The following SMAD4 variants were observed in gnomAD, a reference collection of about 807,000 sequenced individuals.
SMAD4 encodes the protein MAD homolog 4.
In SMAD4, 7 loss-of-function variants were observed where a neutral mutation model predicts 63.2. The observed-to-expected ratio is 0.11, with a 90% confidence interval of 0.06 to 0.21. The LOEUF (loss-of-function observed/expected upper bound fraction) is 0.21. Among genes scored for constraint, SMAD4 ranks in the 10% least tolerant of loss-of-function variants. The probability of loss-of-function intolerance (pLI) is 1.00; values close to 1 mark genes in which losing one functional copy is unlikely to be tolerated. For missense variants in SMAD4, 312 were observed against 693.8 expected (o/e 0.45, Z 6.18); for synonymous variants, 215 against 235.4 (o/e 0.91, Z 0.79).
chr18:51,080,012 G>A lies in SMAD4; in HGVS notation c.*1545G>A, dbSNP rs969842987. ...ATTTTACTATAGCAGAAATAGACCT[G>A]ATTATCTACAAGATGATAAATAGAT... On this transcript the variant is annotated 3_prime_UTR_variant, in exon 12 of 12. Transcript: ENST00000342988. The A allele has an allele frequency of 4.4e-6, 1 of 227,832 alleles. No homozygotes were observed. The highest frequency in any genetic ancestry group is 8.7e-6 in the Non-Finnish European group (1 of 115,184). 14.1% of individuals were successfully genotyped at this position (227,832 alleles called of 1,614,324 possible).
chr18:51,050,611 ATAG>A (rs1909681125), intron 4 of SMAD4, among the ~76,000 whole-genome samples: 1 of 151,308 alleles, frequency 6.6e-6, no homozygotes, highest in Admixed American at 6.6e-5. Context: ...GTGAGCCGAG[ATAG>A]TGGCACTGCA....
Position 51,078,195 on chromosome 18 carries a change from G to A in SMAD4, c.1448-61G>A, listed in dbSNP as rs565237633. 5 of 1,321,992 alleles carry A rather than the reference G, an allele frequency of 3.8e-6. No homozygotes were observed. In the African/African-American group the frequency reaches 4.3e-5, roughly 11 times the overall value. 81.9% of individuals were successfully genotyped at this position (1,321,992 alleles called of 1,614,324 possible). On this transcript the variant is annotated intron_variant, in intron 11 of 11. Transcript: ENST00000342988. ...GCTGGTCACTTGATTAATTTAGAATGTAGGGAGGATGGGAAGAGATCACCC... is the reference window on the plus strand; with the variant it reads ...GCTGGTCACTTGATTAATTTAGAATATAGGGAGGATGGGAAGAGATCACCC...
intron 1 of SMAD4, among the ~76,000 whole-genome samples, chr18:51,035,605 C>T (rs1909179472): frequency 6.6e-6 from 1 of 152,158 alleles, no homozygotes; most frequent in Non-Finnish European, 1.5e-5. Flanking sequence ...TTTCAAGCCC[C>T]CAATTAACTA....
At chr18:51,036,885 C>G (rs940130951) in intron 1 of SMAD4, among the ~76,000 whole-genome samples, 2 of 152,160 alleles carry the variant, frequency 1.3e-5, no homozygotes, top group East Asian at 3.9e-4. Context: ...AGGCCGGGTG[C>G]GGTGACTCAC....
rs4940037 is a variant in SMAD4, at chr18:51,080,333, A to C, written c.*1866A>C. 7 of 231,936 alleles carry C rather than the reference A, an allele frequency of 3.0e-5. No individual in the cohort carries two copies. The highest frequency in any genetic ancestry group is 1.3e-4 in the African/African-American group (6 of 45,304). The allele number at this position is 231,936 out of a possible 1,614,324, so 14.4% of individuals were successfully genotyped here. On this transcript the variant is annotated 3_prime_UTR_variant, in exon 12 of 12. Transcript: ENST00000342988. The stretch of plus-strand genomic sequence containing the variant: ...TCATTTGTACTCTTGATTACTTACA[A>C]ATTCTTTCAGTAAACACCTAATTTT...
At chr18:51,072,707 C>T (rs185518984) in intron 10 of SMAD4, among the ~76,000 whole-genome samples, 39 of 152,216 alleles carry the variant, frequency 2.6e-4, no homozygotes, top group Admixed American at 6.5e-4. Flanking sequence ...TGTTAAGTAA[C>T]GGTTTTGTAA....
Position 51,059,296 on chromosome 18 carries a change from A to G in SMAD4, c.905-570A>G, listed in dbSNP as rs567848211. ...GAAGGGTGCTGGGTTTGGACCTTTA[A>G]CAGGCTGTGTGACCATTGACAAGTT... is the stretch of plus-strand genomic sequence containing the variant. On this transcript the variant is annotated intron_variant, in intron 7 of 11. Transcript: ENST00000342988. Among the ~76,000 whole-genome samples, 123 of 152,320 alleles carry G rather than the reference A, an allele frequency of 8.1e-4. No individual in the cohort carries two copies. In the South Asian group the frequency reaches 0.013, roughly 16 times the overall value.
intron 10 of SMAD4, among the ~76,000 whole-genome samples, chr18:51,076,306 A>C (rs1384277234): frequency 6.6e-6 from 1 of 152,156 alleles, no homozygotes; most frequent in Non-Finnish European, 1.5e-5. Context: ...TTTGATTATG[A>C]AAGGGGGAGG....
At chr18:51,052,733 C>CT in intron 4 of SMAD4, 1 of 204,034 alleles carries the variant, frequency 4.9e-6, no homozygotes, top group South Asian at 6.7e-5. Context: ...CAGGTAATCA[C>CT]TTTTTTTAGT....
At chr18:51,035,566 G>T (rs1396544969) in intron 1 of SMAD4, among the ~76,000 whole-genome samples, 3 of 152,084 alleles carry the variant, frequency 2.0e-5, no homozygotes, top group Non-Finnish European at 4.4e-5. Context: ...GTCTTCTTAG[G>T]GCGTTAATCT....
intron 8 of SMAD4, among the ~76,000 whole-genome samples, chr18:51,061,053 A>C (rs1202385678): frequency 2.6e-5 from 4 of 152,016 alleles, no homozygotes; most frequent in Non-Finnish European, 5.9e-5. Flanking sequence ...AAATTAAAAA[A>C]ATATATTTTT....
chr18:51,056,333 C>G (rs754540795), intron 5 of SMAD4, among the ~76,000 whole-genome samples: 4 of 152,120 alleles, frequency 2.6e-5, no homozygotes, highest in African/African-American at 9.6e-5. Context: ...TGTGTTGTTT[C>G]CTGAGGTTGA....
intron 7 of SMAD4, 27 bp downstream of exon 7, chr18:51,058,483 C>CAA: frequency 1.6e-6 from 2 of 1,258,502 alleles, no homozygotes; most frequent in Non-Finnish European, 2.2e-6. Context: ...GTTGTAAGGG[C>CAA]TATTTTTTTT....
chr18:51,043,433 G>C (rs1410291216), intron 1 of SMAD4, among the ~76,000 whole-genome samples: 1 of 152,112 alleles, frequency 6.6e-6, no homozygotes, highest in Non-Finnish European at 1.5e-5. Context: ...TCAGTCATGC[G>C]GCTAGACCTT....
At chr18:51,034,025 T>A (rs1226994806) in intron 1 of SMAD4, among the ~76,000 whole-genome samples, 2 of 152,208 alleles carry the variant, frequency 1.3e-5, no homozygotes, top group African/African-American at 2.4e-5. Context: ...AACATTTTAA[T>A]CAGTTTAAAA....
rs1037395977 is a variant in SMAD4, at chr18:51,081,600, C to G, written c.*3133C>G. Reference sequence around the variant, plus strand: ...ATGGTCTGGCTTAAGGAGAGCCATACTTGAGACATGTGAGTAAACTGAACT... The same window carrying G: ...ATGGTCTGGCTTAAGGAGAGCCATAGTTGAGACATGTGAGTAAACTGAACT... On this transcript the variant is annotated 3_prime_UTR_variant, in exon 12 of 12. Transcript: ENST00000342988. 4.3e-6 allele frequency: 1 copy of G among 232,682 alleles called. No homozygotes were observed. Among genetic ancestry groups the G allele is most frequent in the Non-Finnish European group, 8.5e-6 (1 of 117,726 alleles). The allele number at this position is 232,682 out of a possible 1,614,324, so 14.4% of individuals were successfully genotyped here. A position where few individuals can be genotyped will look rare whatever the true frequency, so the allele number is the denominator to read the frequency against.
intron 10 of SMAD4, among the ~76,000 whole-genome samples, chr18:51,073,424 CA>C: frequency 7.7e-6 from 1 of 129,092 alleles, no homozygotes; most frequent in African/African-American, 2.8e-5. Context: ...CACACACACA[CA>C]CACACACACC....
chr18:51,065,729 G>A, intron 9 of SMAD4, 123 bp downstream of exon 9: 2 of 764,104 alleles, frequency 2.6e-6, no homozygotes, highest in Admixed American at 6.3e-5. Flanking sequence ...AGGAATAAAG[G>A]TCATGTTGAA....
At chr18:51,064,710 C>T (rs1007828374) in intron 8 of SMAD4, among the ~76,000 whole-genome samples, 3 of 152,188 alleles carry the variant, frequency 2.0e-5, no homozygotes, top group African/African-American at 7.2e-5. Flanking sequence ...ACACTAAATA[C>T]ATCTCCAAAG....
Sources: allele counts gnomAD v4.1 joint callset (sites outside exome capture counted in the v4.1 genomes callset), GRCh38; gene constraint gnomAD v4.1.1; transcripts MANE v1.5; gene names NCBI Gene and HGNC (gene_info 2026-07-23, HGNC 2026-07-21).